TXNDC16: variants seen among roughly 807,000 people sequenced by gnomAD.
TXNDC16 encodes thioredoxin domain-containing protein 16.
TXNDC16 carries 74 observed loss-of-function variants against 85.6 expected under a neutral mutation model. The ratio of observed to expected loss-of-function variants is 0.86; its 90% CI spans 0.72 to 1.05. The LOEUF (loss-of-function observed/expected upper bound fraction) is 1.05. TXNDC16 is among the 50% of genes least tolerant of loss of function. The pLI, the probability that TXNDC16 is intolerant of heterozygous loss-of-function variation, is 0.00. For synonymous variants in TXNDC16, 335 were observed against 326.5 expected (o/e 1.03, Z -0.28); for missense variants, 959 against 947.0 (o/e 1.01, Z -0.17).
intron 9 of TXNDC16, among the ~76,000 whole-genome samples, chr14:52,496,937 T>C (rs1340526756): frequency 6.6e-6 from 1 of 152,028 alleles, no homozygotes; most frequent in Non-Finnish European, 1.5e-5. Context: ...ATCCATTCCA[T>C]TTGACAAAAA....
At chr14:52,433,545 G>T (rs2034956397) in intron 20 of TXNDC16, among the ~76,000 whole-genome samples, 1 of 152,126 alleles carries the variant, frequency 6.6e-6, no homozygotes, top group Non-Finnish European at 1.5e-5. Context: ...CTCATAAATT[G>T]AGTATCTTTA....
intron 9 of TXNDC16, among the ~76,000 whole-genome samples, chr14:52,509,341 G>C (rs796748423): frequency 1.4e-3 from 215 of 152,220 alleles, no homozygotes; most frequent in African/African-American, 4.1e-3. Context: ...TATTCGAAGA[G>C]AAGGAAGTGA....
At chr14:52,507,015 G>A (rs551422604) in intron 9 of TXNDC16, among the ~76,000 whole-genome samples, 2 of 152,114 alleles carry the variant, frequency 1.3e-5, no homozygotes, top group Non-Finnish European at 2.9e-5. Flanking sequence ...AGACAGGGAT[G>A]CCCTCTCTCA....
At chr14:52,441,945 A>C (rs1045866090) in intron 18 of TXNDC16, among the ~76,000 whole-genome samples, 2 of 152,130 alleles carry the variant, frequency 1.3e-5, no homozygotes. Flanking sequence ...GGGTAGACTT[A>C]AACAGTCACT....
At chr14:52,508,213 T>C (rs2036862430) in intron 9 of TXNDC16, among the ~76,000 whole-genome samples, 1 of 151,880 alleles carries the variant, frequency 6.6e-6, no homozygotes, top group Non-Finnish European at 1.5e-5. Context: ...TCAAACAAAT[T>C]TACAAGAGAA....
chr14:52,524,693 T>C (rs1056153364), intron 6 of TXNDC16, among the ~76,000 whole-genome samples: 2 of 152,014 alleles, frequency 1.3e-5, no homozygotes, highest in Non-Finnish European at 1.5e-5. Flanking sequence ...TGGGGTCTCA[T>C]TGTATTGCCC....
In TXNDC16 at chr14:52,457,054, T is replaced by C. The variant is rs746378466; in HGVS notation, c.1703+36A>G. 4.4e-6 allele frequency: 6 copies of C among 1,367,212 alleles called. No individual in the cohort carries two copies. The South Asian group carries it at 6.4e-5, about 15-fold the overall frequency. 84.7% of individuals were successfully genotyped at this position (1,367,212 alleles called of 1,614,324 possible). On this transcript the variant is annotated intron_variant, in intron 17 of 20. Coordinates refer to ENST00000281741, the MANE Select transcript of TXNDC16 (RefSeq NM_020784.3). ...TTAGATAACATTATTTTGCATAATT[T>C]CTCCCTCCCTAAAATTAAAAGAGCA...
At chr14:52,466,930 T>C (rs2035790485) in intron 16 of TXNDC16, among the ~76,000 whole-genome samples, 1 of 150,996 alleles carries the variant, frequency 6.6e-6, no homozygotes, top group African/African-American at 2.4e-5. Flanking sequence ...GCAGCAGATA[T>C]CCAAATCAGT....
intron 9 of TXNDC16, among the ~76,000 whole-genome samples, chr14:52,502,393 A>G (rs1258381080): frequency 6.6e-6 from 1 of 151,006 alleles, no homozygotes; most frequent in South Asian, 2.1e-4. Flanking sequence ...CCTGCATGGC[A>G]CAACTCTACA....
At chr14:52,446,086 C>A (rs1305652563) in intron 18 of TXNDC16, among the ~76,000 whole-genome samples, 2 of 152,180 alleles carry the variant, frequency 1.3e-5, no homozygotes, top group Non-Finnish European at 2.9e-5. Context: ...CACAAAAAAG[C>A]ACCTTCATAA....
rs2034918745 is a variant in TXNDC16 at position 52,432,333 on chromosome 14, T to C, written c.2449A>G (p.Lys817Glu). 6.2e-7 allele frequency: 1 copy of C among 1,613,200 alleles called. No homozygotes were observed. The highest frequency in any genetic ancestry group is 1.3e-5 in the African/African-American group (1 of 74,994). Residue 817 changes from lysine (K) to glutamate (E), a missense_variant, in exon 21 of 21, where the codon AAA becomes GAA. Physicochemically the swap from Lys to Glu is moderately conservative, Grantham distance 56. Transcript: ENST00000281741. Reference protein sequence around the residue: ...KEAEKSFRRDKELGCSKVN With the variant: ...KEAEKSFRRDEELGCSKVN ...TTCACTTTTGAGCATCCTAACTCTT[T>C]ATCACGTCTAAATGATTTTTCTGCT...
At chr14:52,526,799 C>T (rs900408073) in intron 6 of TXNDC16, among the ~76,000 whole-genome samples, 12 of 152,238 alleles carry the variant, frequency 7.9e-5, no homozygotes, top group African/African-American at 2.7e-4. Flanking sequence ...GGACTTTCAG[C>T]TCTAACCCTC....
intron 4 of TXNDC16, among the ~76,000 whole-genome samples, chr14:52,539,798 TAG>T (rs1332884506): frequency 2.0e-5 from 3 of 152,220 alleles, no homozygotes; most frequent in Admixed American, 6.5e-5. Context: ...TTTGATACAC[TAG>T]ATTTCTTCTG....
intron 6 of TXNDC16, among the ~76,000 whole-genome samples, chr14:52,525,970 GTTATA>G (rs1029356215): frequency 5.3e-5 from 8 of 151,876 alleles, no homozygotes; most frequent in Admixed American, 2.6e-4. Context: ...ATGCTATGTA[GTTATA>G]TTATATTTAA....
At chr14:52,512,732 G>T (rs1594744662) in intron 8 of TXNDC16, among the ~76,000 whole-genome samples, 1 of 152,266 alleles carries the variant, frequency 6.6e-6, no homozygotes, top group Non-Finnish European at 1.5e-5. Context: ...CAAATAATTG[G>T]ATCAGAGAAA....
intron 14 of TXNDC16, among the ~76,000 whole-genome samples, chr14:52,474,852 G>T (rs2035985410): frequency 6.6e-6 from 1 of 152,174 alleles, no homozygotes; most frequent in Non-Finnish European, 1.5e-5. Context: ...AGACAGAACA[G>T]CGTGTGGAGG....
rs2037851653 is a variant in TXNDC16, at chr14:52,542,433, A to G, written c.181T>C (p.Phe61Leu). 5 of 1,612,262 alleles carry G rather than the reference A, an allele frequency of 3.1e-6. No homozygotes were observed. In the South Asian group the frequency reaches 4.4e-5, roughly 14 times the overall value. The change falls in exon 4 of 21, where the codon TTT (phenylalanine) becomes CTT (leucine). Residue 61 changes from phenylalanine to leucine, a missense_variant. By Grantham distance (22) the Phe-to-Leu change is conservative (BLOSUM62 0). Transcript: ENST00000281741. ...ACAGCCTCATTCAGTTCTTCAAGAAATACAGATGTTCTTGGGGAATCTAAA... is the reference window on the plus strand; with the variant it reads ...ACAGCCTCATTCAGTTCTTCAAGAAGTACAGATGTTCTTGGGGAATCTAAA... ...CQADSPRTSV[F>L]LEELNEAVRP... is the part of the protein sequence containing the mutation.
intron 16 of TXNDC16, among the ~76,000 whole-genome samples, chr14:52,458,004 CAG>C (rs1253412251): frequency 1.3e-5 from 2 of 152,118 alleles, no homozygotes; most frequent in African/African-American, 4.8e-5. Context: ...AGCAGTCAAA[CAG>C]AAAAACACTC....
chr14:52,499,883 TATA>T (rs2036617914), intron 9 of TXNDC16, among the ~76,000 whole-genome samples: 1 of 152,188 alleles, frequency 6.6e-6, no homozygotes, highest in South Asian at 2.1e-4. Flanking sequence ...CTAGATTATT[TATA>T]ATATCAAATA....
Sources: gnomAD v4.1 joint callset for allele counts (sites outside exome capture counted in the v4.1 genomes callset) on GRCh38, gnomAD v4.1.1 for gene constraint, MANE v1.5 for transcripts, NCBI Gene and HGNC (gene_info 2026-07-23, HGNC 2026-07-21) for gene names.